The following ABCA9 variants were observed in gnomAD, a reference collection of about 807,000 sequenced individuals.
The protein encoded by ABCA9 is ATP-binding cassette sub-family A member 9.
A neutral mutation model predicts 205.3 loss-of-function variants in ABCA9; 183 were observed. That is an observed-to-expected ratio of 0.89 (90% CI 0.79 to 1.01). The LOEUF (loss-of-function observed/expected upper bound fraction) is 1.01. ABCA9 is among the 50% of genes least tolerant of loss of function. ABCA9 has a pLI of 0.00. For missense variants in ABCA9, 1,805 were observed against 1,912.4 expected, an observed-to-expected ratio of 0.94 and a Z score of 1.05; for synonymous variants, 651 against 683.3, an observed-to-expected ratio of 0.95 and a Z score of 0.74.
chr17:68,987,406 T>G (rs1043907273), intron 31 of ABCA9, among the ~76,000 whole-genome samples: 3 of 152,226 alleles, frequency 2.0e-5, no homozygotes, highest in African/African-American at 7.2e-5. Flanking sequence ...TTATAACCTC[T>G]GCCTTGTGCT....
chr17:69,010,234 A>T (rs775157149), intron 23 of ABCA9, among the ~76,000 whole-genome samples: 2 of 152,050 alleles, frequency 1.3e-5, no homozygotes, highest in Non-Finnish European at 2.9e-5. Flanking sequence ...GATTTTTAAG[A>T]TAAGCTCATA....
At chr17:68,981,092 A>G (rs1431540656) in intron 37 of ABCA9, among the ~76,000 whole-genome samples, 1 of 152,066 alleles carries the variant, frequency 6.6e-6, no homozygotes, top group Non-Finnish European at 1.5e-5. Context: ...ATGGTTGCCA[A>G]GAGATGGCCA....
chr17:69,055,091 G>A (rs2072029164), intron 1 of ABCA9, among the ~76,000 whole-genome samples: 1 of 152,064 alleles, frequency 6.6e-6, no homozygotes, highest in Non-Finnish European at 1.5e-5. Context: ...TAGAATTGAA[G>A]ACTAGAACAA....
At chr17:69,048,775 A>G (rs560555720) in intron 3 of ABCA9, among the ~76,000 whole-genome samples, 16 of 152,364 alleles carry the variant, frequency 1.1e-4, no homozygotes, top group African/African-American at 3.8e-4. Context: ...CTTCAGGACC[A>G]TCAGATACCT....
rs143315205 is a variant in ABCA9, at chr17:69,016,493, G to C, written c.2902-103C>G. 775 of 1,060,772 alleles carry C rather than the reference G, an allele frequency of 7.3e-4. 3 individuals carry two copies. The African/African-American group carries it at 0.01, about 14-fold the overall frequency. 65.7% of individuals were successfully genotyped at this position (1,060,772 alleles called of 1,614,324 possible). On this transcript the variant is annotated intron_variant, in intron 21 of 38. Transcript: ENST00000340001. ...ATTCAAGTTACTGATAATATAATAA[G>C]TCCCAAGCACTGAATGTGATTAATA...
intron 32 of ABCA9, among the ~76,000 whole-genome samples, chr17:68,985,872 G>A (rs184931851): frequency 5.3e-5 from 8 of 152,130 alleles, no homozygotes; most frequent in Non-Finnish European, 8.8e-5. Context: ...CACAAGAATC[G>A]CTTGAACCCA....
chr17:69,029,269 G>A (rs764839991), intron 10 of ABCA9, 42 bp from the exon 11 acceptor site: 1 of 1,293,976 alleles, frequency 7.7e-7, no homozygotes, highest in Non-Finnish European at 1.1e-6. Context: ...TTGTAAAAAT[G>A]TGCAGAGGAT....
chr17:69,044,711 G>GT, intron 4 of ABCA9, 111 bp from the exon 5 acceptor site: 1 of 889,312 alleles, frequency 1.1e-6, no homozygotes, highest in East Asian at 2.7e-5. Context: ...ATAGTGGATG[G>GT]TAAGTCTTCT....
chr17:69,067,187 G>T, the ABCA9 span, among the ~76,000 whole-genome samples: 2 of 151,932 alleles, frequency 1.3e-5, no homozygotes, highest in African/African-American at 4.8e-5. Flanking sequence ...TGCTATTTTT[G>T]TATGAATGGA....
At chr17:68,999,999 G>T (rs867808124) in intron 25 of ABCA9, among the ~76,000 whole-genome samples, 10,671 of 151,930 alleles carry the variant, frequency 0.07, 1,216 homozygotes, top group African/African-American at 0.24. Context: ...TAAATTTGTT[G>T]GAGTTCATTG....
Position 69,017,689 on chromosome 17 carries a change from G to A in ABCA9, c.2868C>T (p.Tyr956=). ...GTRNGTDDPS[Y]NGAIIVSGDE... ...CACCTGACACAATGATAGCACCATT[G>A]TAAGATGGGTCATCTGTGCCATTTC... is the stretch of plus-strand genomic sequence containing the variant. The change falls in exon 21 of 39, where the codon TAC becomes TAT. Residue 956 remains tyrosine (Y), a synonymous_variant. Coordinates refer to ENST00000340001, the MANE Select transcript of ABCA9 (RefSeq NM_080283.4). The A allele has an allele frequency of 1.2e-6, 2 of 1,613,370 alleles. No homozygotes were observed. The highest frequency in any genetic ancestry group is 2.7e-5 in the African/African-American group (2 of 74,986).
chr17:69,071,564 G>A, the ABCA9 span, among the ~76,000 whole-genome samples: 18,433 of 152,024 alleles, frequency 0.12, 1,179 homozygotes, highest in Non-Finnish European at 0.13. Flanking sequence ...CAAAAAGGAC[G>A]ACCACGCAAA....
Position 68,989,069 on chromosome 17 carries a change from A to AGTT in ABCA9, c.4002_4004dup (p.Thr1335dup). 6.2e-7 allele frequency: 1 copy of AGTT among 1,613,640 alleles called. No individual in the cohort carries two copies. The highest frequency in any genetic ancestry group is 1.1e-5 in the South Asian group (1 of 91,046). On this transcript the variant is annotated inframe_insertion, in exon 31 of 39. Transcript: ENST00000340001. The stretch of plus-strand genomic sequence containing the variant: ...TTGTGTCTCCAGTTATCATCTTAAT[A>AGTT]GTTGTACTTTTACCAGCTCCATTGT...
At chr17:69,064,414 C>T (rs547743099), upstream of ABCA9, among the ~76,000 whole-genome samples, 5 of 152,294 alleles carry the variant, frequency 3.3e-5, no homozygotes, top group South Asian at 2.1e-4. Flanking sequence ...CCCCCATCTT[C>T]CTGCTCCTTA....
intron 21 of ABCA9, among the ~76,000 whole-genome samples, chr17:69,017,004 C>T (rs2070643066): frequency 6.6e-6 from 1 of 151,908 alleles, no homozygotes; most frequent in African/African-American, 2.4e-5. Context: ...AACCTAATTA[C>T]CTAAAGCAAT....
Position 68,986,304 on chromosome 17 carries a change from A to C in ABCA9, c.4068T>G (p.Gly1356=). Residue 1356 remains glycine, a synonymous_variant, in exon 32 of 39, where the codon GGT becomes GGG. Coordinates refer to ENST00000340001, the MANE Select transcript of ABCA9 (RefSeq NM_080283.4). The part of the protein sequence containing the change: ...TAGQVILKGS[G]GGEPLGFLGY... ...CCAGGAAGCCCAGGGGTTCCCCTCC[A>C]CCGCTCCCTTTCAAAATCACCTATG... The C allele has an allele frequency of 6.2e-7, 1 of 1,608,364 alleles. No individual in the cohort carries two copies. The highest frequency in any genetic ancestry group is 8.5e-7 in the Non-Finnish European group (1 of 1,178,124).
At chr17:68,980,191 T>C (rs1284066788) in intron 37 of ABCA9, among the ~76,000 whole-genome samples, 1 of 152,030 alleles carries the variant, frequency 6.6e-6, no homozygotes, top group Non-Finnish European at 1.5e-5. Context: ...AAAATGCTCA[T>C]CATCACTGGC....
intron 29 of ABCA9, 33 bp downstream of exon 29, chr17:68,990,804 A>G: frequency 6.3e-7 from 1 of 1,594,564 alleles, no homozygotes; most frequent in Non-Finnish European, 8.5e-7. Context: ...TCAGAAAAAA[A>G]AATAGTTGAC....
At chr17:69,039,160 T>G (rs1433654066) in intron 6 of ABCA9, among the ~76,000 whole-genome samples, 2 of 152,198 alleles carry the variant, frequency 1.3e-5, no homozygotes, top group African/African-American at 4.8e-5. Context: ...ATAGATTCAA[T>G]GCTATTCCCA....
Sources: gnomAD v4.1 joint callset for allele counts (sites outside exome capture counted in the v4.1 genomes callset) on GRCh38, gnomAD v4.1.1 for gene constraint, MANE v1.5 for transcripts, NCBI Gene and HGNC (gene_info 2026-07-23, HGNC 2026-07-21) for gene names.